The following TBXAS1 variants were observed in gnomAD, a reference collection of about 807,000 sequenced individuals.
TBXAS1 encodes thromboxane A synthase 1.
Under a neutral mutation model 60.7 loss-of-function variants are expected in TBXAS1, and 48 were observed. The ratio of observed to expected loss-of-function variants is 0.79; its 90% confidence interval spans 0.63 to 1.01. TBXAS1 has a LOEUF of 1.01. Ranked by LOEUF, TBXAS1 falls within the 50% of genes least tolerant of loss-of-function variation. The pLI is 0.00. For missense variants in TBXAS1, 685 were observed against 686.3 expected, an observed-to-expected ratio of 1.00 and a Z score of 0.02; for synonymous variants, 287 against 269.7, an observed-to-expected ratio of 1.06 and a Z score of -0.63.
intron 4 of TBXAS1, among the ~76,000 whole-genome samples, chr7:139,805,700 TTCTTTCTTTC>T (rs1569492490): frequency 2.4e-4 from 9 of 37,434 alleles, no homozygotes; most frequent in African/African-American, 1.0e-3. Context: ...CTTTCTTTCT[TTCTTTCTTTC>T]TTTCTCTCTC....
At chr7:139,964,932 A>T (rs1212646068) in intron 9 of TBXAS1, among the ~76,000 whole-genome samples, 1 of 152,202 alleles carries the variant, frequency 6.6e-6, no homozygotes, top group Admixed American at 6.5e-5. Context: ...TGCTCATGTT[A>T]GGCCAGGCAC....
chr7:139,839,475 T>C (rs564997038), intron 1 of TBXAS1, among the ~76,000 whole-genome samples: 50 of 152,092 alleles, frequency 3.3e-4, no homozygotes, highest in Non-Finnish European at 6.0e-4. Flanking sequence ...CTGGAAGGGC[T>C]TGTAGTACCA....
intron 9 of TBXAS1, among the ~76,000 whole-genome samples, chr7:139,988,316 G>A (rs905785105): frequency 2.0e-5 from 3 of 152,216 alleles, no homozygotes; most frequent in African/African-American, 4.8e-5. Context: ...TAGCCCGAGC[G>A]CCTCCACCTG....
upstream of TBXAS1, among the ~76,000 whole-genome samples, chr7:139,824,891 G>A (rs1220889459): frequency 1.4e-5 from 2 of 140,788 alleles, no homozygotes; most frequent in South Asian, 2.2e-4. Context: ...GTGCAATGGC[G>A]TGATCTTGGC....
chr7:139,870,157 T>C lies in TBXAS1; in HGVS notation c.90-2078T>C, dbSNP rs1401091351. ...GGTGGTGTCCAGGACACTCTGCTGA[T>C]GCCATGTGTTTGAAAATGTCTGAAT... On this transcript the variant is annotated intron_variant, in intron 1 of 12. Transcript: ENST00000448866. 1.3e-5 allele frequency among the ~76,000 whole-genome samples: 2 copies of C among 152,232 alleles called. 1 individual carries two copies. The highest frequency in any genetic ancestry group is 4.1e-4 in the South Asian group (2 of 4,834).
At chr7:139,881,565 A>G (rs1269383334) in intron 3 of TBXAS1, among the ~76,000 whole-genome samples, 1 of 151,832 alleles carries the variant, frequency 6.6e-6, no homozygotes, top group East Asian at 1.9e-4. Flanking sequence ...TGATTTCTCT[A>G]TTCTGTTGTA....
chr7:140,005,517 A>G (rs1814007442), intron 9 of TBXAS1, among the ~76,000 whole-genome samples: 1 of 152,166 alleles, frequency 6.6e-6, no homozygotes, highest in Admixed American at 6.5e-5. Context: ...AGCCCTTTTC[A>G]TTGGTCACTT....
chr7:139,895,770 A>C (rs1804038487), intron 3 of TBXAS1, among the ~76,000 whole-genome samples: 1 of 152,208 alleles, frequency 6.6e-6, no homozygotes, highest in African/African-American at 2.4e-5. Context: ...CTGTATGCTG[A>C]GCTTCCCCAC....
intron 2 of TBXAS1, among the ~76,000 whole-genome samples, chr7:139,874,759 T>A (rs1584739014): frequency 1.3e-5 from 2 of 152,182 alleles, no homozygotes; most frequent in Middle Eastern, 6.8e-3. Flanking sequence ...GATCTAGCAT[T>A]TTCCACCCCT....
intron 7 of TBXAS1, among the ~76,000 whole-genome samples, chr7:139,955,990 A>G (rs1421579845): frequency 6.6e-6 from 1 of 152,140 alleles, no homozygotes; most frequent in Non-Finnish European, 1.5e-5. Flanking sequence ...CTGGAACCCA[A>G]AGCCTTTCAT....
intron 9 of TBXAS1, among the ~76,000 whole-genome samples, chr7:139,978,775 CAAAAAA>C (rs35583867): frequency 2.3e-4 from 21 of 91,000 alleles, no homozygotes; most frequent in African/African-American, 7.5e-4. Flanking sequence ...CCTGCCTCTA[CAAAAAA>C]AAAAAAAAAA....
At chr7:139,984,167 G>C (rs117419195) in intron 9 of TBXAS1, among the ~76,000 whole-genome samples, 2 of 152,306 alleles carry the variant, frequency 1.3e-5, no homozygotes, top group African/African-American at 4.8e-5. Flanking sequence ...CCTAAGCCTC[G>C]CTTCTTCACT....
At chr7:139,847,571 G>A (rs12540398) in intron 1 of TBXAS1, among the ~76,000 whole-genome samples, 17,338 of 151,882 alleles carry the variant, frequency 0.11, 1,055 homozygotes, top group Admixed American at 0.16. Context: ...CTCACTAACC[G>A]CCTCTTCTTT....
chr7:139,999,007 C>A lies in TBXAS1; in HGVS notation c.1135-8084C>A, dbSNP rs1368913511. Among the ~76,000 whole-genome samples the A allele has an allele frequency of 6.6e-6, 1 of 152,176 alleles. No homozygotes were observed. Among genetic ancestry groups the A allele is most frequent in the East Asian group, 1.9e-4 (1 of 5,192 alleles). ...GATGAATTTCAACATCTAAATCTGCCAAATTATTGAAGCTAGCACAGAGAA... is the reference window on the plus strand; with the variant it reads ...GATGAATTTCAACATCTAAATCTGCAAAATTATTGAAGCTAGCACAGAGAA... On this transcript the variant is annotated intron_variant, in intron 9 of 12. Transcript: ENST00000448866. This position sits in a 1 kb window ranked among gnomAD's most constrained non-coding sequence, Gnocchi z 4.3.
chr7:139,844,977 C>T (rs1162672379), intron 1 of TBXAS1, among the ~76,000 whole-genome samples: 1 of 151,094 alleles, frequency 6.6e-6, no homozygotes, highest in East Asian at 1.9e-4. Context: ...GGCACATTTT[C>T]CCCCAGCCCC....
At chr7:139,870,301 A>G (rs1801725289) in intron 1 of TBXAS1, among the ~76,000 whole-genome samples, 2 of 152,250 alleles carry the variant, frequency 1.3e-5, no homozygotes, top group African/African-American at 4.8e-5. Context: ...TAGACAATCA[A>G]GACATCTAAT....
chr7:140,011,325 TGAA>T (rs1457161154), intron 10 of TBXAS1, among the ~76,000 whole-genome samples: 4 of 98,248 alleles, frequency 4.1e-5, no homozygotes, highest in East Asian at 5.8e-4. Flanking sequence ...CCCTAAACAA[TGAA>T]GAATAAAAAA....
intron 5 of TBXAS1, among the ~76,000 whole-genome samples, chr7:139,946,135 C>T (rs13223126): frequency 0.017 from 2,636 of 152,212 alleles, 31 homozygotes; most frequent in Non-Finnish European, 0.028. Context: ...GAGTTCAAGA[C>T]CAACTTGGGC....
chr7:139,824,829 C>CT (rs1192880390), upstream of TBXAS1, among the ~76,000 whole-genome samples: 582 of 38,860 alleles, frequency 0.015, 6 homozygotes, highest in Admixed American at 0.02. Flanking sequence ...TTTTCCTTTT[C>CT]TTTTTTTTTT....
Sources: gnomAD v4.1 joint callset for allele counts (sites outside exome capture counted in the v4.1 genomes callset) on GRCh38, gnomAD v4.1.1 for gene constraint, Gnocchi (gnomAD v3.1) non-coding constraint, MANE v1.5 for transcripts, NCBI Gene and HGNC (gene_info 2026-07-23, HGNC 2026-07-21) for gene names.